The following EML6 variants were observed in gnomAD, a reference collection of about 807,000 sequenced individuals.
EML6 encodes the protein echinoderm microtubule-associated protein-like 6.
In EML6, 154 loss-of-function variants were observed where a neutral mutation model predicts 240.1. That is an observed-to-expected ratio of 0.64 (90% confidence interval 0.56 to 0.73). The LOEUF (loss-of-function observed/expected upper bound fraction) is 0.73. EML6 is among the 30% of genes least tolerant of loss of function. EML6 has a pLI of 0.00. For synonymous variants in EML6, 1,148 were observed against 899.0 expected, an observed-to-expected ratio of 1.28 and a Z score of -4.95; for missense variants, 2,964 against 2,474.6, an observed-to-expected ratio of 1.20 and a Z score of -4.20.
intron 28 of EML6, among the ~76,000 whole-genome samples, chr2:54,929,129 G>A (rs1389562456): frequency 1.3e-5 from 2 of 152,176 alleles, no homozygotes; most frequent in Non-Finnish European, 2.9e-5. Context: ...CTGAGGTCAT[G>A]GAGGAATGGC....
intron 6 of EML6, among the ~76,000 whole-genome samples, chr2:54,828,728 T>C (rs1668717319): frequency 1.3e-5 from 2 of 152,268 alleles, no homozygotes; most frequent in East Asian, 1.9e-4. Context: ...GTCAACATTA[T>C]ATTCTTGCAG....
intron 7 of EML6, among the ~76,000 whole-genome samples, chr2:54,841,001 C>CA (rs1361587988): frequency 6.6e-6 from 1 of 152,186 alleles, no homozygotes; most frequent in Non-Finnish European, 1.5e-5. Flanking sequence ...CAAGCCCCTG[C>CA]AGGAGCTGAG....
intron 25 of EML6, 55 bp downstream of exon 25, chr2:54,911,097 C>A: frequency 3.3e-6 from 3 of 913,882 alleles, no homozygotes; most frequent in Non-Finnish European, 5.1e-6. Flanking sequence ...TTAATATGTG[C>A]ATTTTAATAA....
At chr2:54,839,516 T>G (rs926810895) in intron 7 of EML6, among the ~76,000 whole-genome samples, 2 of 152,246 alleles carry the variant, frequency 1.3e-5, no homozygotes, top group Non-Finnish European at 2.9e-5. Flanking sequence ...CACAGCTCAT[T>G]AAGTTGATAT....
intron 2 of EML6, among the ~76,000 whole-genome samples, chr2:54,780,164 G>A (rs1457720581): frequency 1.3e-5 from 2 of 152,128 alleles, no homozygotes; most frequent in Non-Finnish European, 1.5e-5. Context: ...ATCGTTTACA[G>A]TTTTTTACTA....
chr2:54,826,410 C>T (rs748448855), intron 5 of EML6, among the ~76,000 whole-genome samples: 2 of 152,316 alleles, frequency 1.3e-5, no homozygotes, highest in South Asian at 2.1e-4. Flanking sequence ...ACCAGCCTGG[C>T]CAACATGGTG....
intron 7 of EML6, 23 bp from the exon 8 acceptor site, chr2:54,844,024 T>C: frequency 1.3e-6 from 2 of 1,523,078 alleles, no homozygotes; most frequent in Non-Finnish European, 1.8e-6. Flanking sequence ...AAGATTTGCT[T>C]TTGTTTTACT....
intron 2 of EML6, among the ~76,000 whole-genome samples, chr2:54,772,322 A>G (rs1668435881): frequency 1.3e-5 from 2 of 152,226 alleles, no homozygotes; most frequent in South Asian, 4.1e-4. Flanking sequence ...GGAAATATGA[A>G]CAGAGGTGAC....
At chr2:54,848,745 T>C (rs138290818) in intron 9 of EML6, among the ~76,000 whole-genome samples, 108 of 152,272 alleles carry the variant, frequency 7.1e-4, no homozygotes, top group African/African-American at 2.5e-3. Flanking sequence ...CTCACAATTG[T>C]AGGGAAAAAA....
intron 35 of EML6, 43 bp from the exon 36 acceptor site, chr2:54,962,480 T>G: frequency 7.0e-7 from 1 of 1,437,418 alleles, no homozygotes. Flanking sequence ...AGTGCAGTCA[T>G]ACAGTATTTG....
At chr2:54,834,058 G>C (rs965031307) in intron 7 of EML6, among the ~76,000 whole-genome samples, 3 of 152,178 alleles carry the variant, frequency 2.0e-5, no homozygotes, top group African/African-American at 7.2e-5. Context: ...GATTTCAGCT[G>C]TATGGGGTGG....
rs375590320 is a variant in EML6 at position 54,843,867 on chromosome 2, C to G, written c.848-180C>G. On this transcript the variant is annotated intron_variant, in intron 7 of 41. Coordinates refer to ENST00000356458, the MANE Select transcript of EML6 (RefSeq NM_001039753.4). ...CTCAAAAAAAAAAAAAAAAAAAGCA[C>G]AAAGAATGGTGGCAGAGTTGATTCT... 4.3e-3 allele frequency among the ~76,000 whole-genome samples: 587 copies of G among 138,048 alleles called. 3 individuals are homozygous for G. The highest frequency in any genetic ancestry group is 0.015 in the African/African-American group (550 of 37,434). 90.6% of individuals were successfully genotyped at this position (138,048 alleles called of 152,430 possible). A position where few individuals can be genotyped will look rare whatever the true frequency, so the allele number is the denominator to read the frequency against.
intron 4 of EML6, among the ~76,000 whole-genome samples, chr2:54,818,920 G>T (rs1668199776): frequency 6.6e-6 from 1 of 152,100 alleles, no homozygotes; most frequent in South Asian, 2.1e-4. Context: ...GATTATTTTA[G>T]TGGCACTAAA....
intron 22 of EML6, 74 bp downstream of exon 22, chr2:54,899,856 T>TA (rs1377726773): frequency 2.2e-6 from 3 of 1,370,124 alleles, no homozygotes; most frequent in African/African-American, 2.9e-5. Flanking sequence ...TTCACTCAGT[T>TA]AATATTTACT....
chr2:54,755,607 A>T (rs571368903), intron 2 of EML6, among the ~76,000 whole-genome samples: 14 of 152,252 alleles, frequency 9.2e-5, no homozygotes, highest in African/African-American at 2.4e-4. Flanking sequence ...GCTATTGCAG[A>T]TGGTATACTT....
intron 2 of EML6, among the ~76,000 whole-genome samples, chr2:54,757,358 G>T (rs1667780424): frequency 6.6e-6 from 1 of 152,162 alleles, no homozygotes; most frequent in Non-Finnish European, 1.5e-5. Flanking sequence ...GGGTGTTAAG[G>T]TGGTGCACCG....
rs549712634 is a variant in EML6 at position 54,954,293 on chromosome 2, C to T, written c.4486+137C>T. Reference sequence around the variant, plus strand: ...GCTGCTGGGCAAGTGGAAAACAGGGCACTGGGGATCCTGGTATAGCTGCCC... The same window carrying T: ...GCTGCTGGGCAAGTGGAAAACAGGGTACTGGGGATCCTGGTATAGCTGCCC... On this transcript the variant is annotated intron_variant, in intron 32 of 41. Transcript: ENST00000356458. 3.4e-3 allele frequency: 2,557 copies of T among 742,574 alleles called. 4 individuals are homozygous for T. The highest frequency in any genetic ancestry group is 4.9e-3 in the Non-Finnish European group (2,309 of 468,926). 46.0% of individuals were successfully genotyped at this position (742,574 alleles called of 1,614,324 possible).
At chr2:54,795,337 GA>G (rs1293585561) in intron 2 of EML6, among the ~76,000 whole-genome samples, 1 of 152,144 alleles carries the variant, frequency 6.6e-6, no homozygotes, top group Non-Finnish European at 1.5e-5. Context: ...TGCCACACTT[GA>G]AAACCATCAG....
intron 28 of EML6, among the ~76,000 whole-genome samples, chr2:54,944,702 T>C (rs548756119): frequency 6.6e-6 from 1 of 152,176 alleles, no homozygotes; most frequent in South Asian, 2.1e-4. Context: ...TTCAAGAGGG[T>C]AGGCTTCTTT....
Sources: allele counts gnomAD v4.1 joint callset (sites outside exome capture counted in the v4.1 genomes callset), GRCh38; gene constraint gnomAD v4.1.1; transcripts MANE v1.5; gene names NCBI Gene and HGNC (gene_info 2026-07-23, HGNC 2026-07-21).